CNOT1: variants seen among roughly 807,000 people sequenced by gnomAD.
The protein encoded by CNOT1 is CCR4-NOT transcription complex subunit 1, also known as CCR4-associated factor 1.
CNOT1 carries 15 observed loss-of-function variants against 273.8 expected under a neutral mutation model. The ratio of observed to expected loss-of-function variants is 0.05; its 90% CI spans 0.04 to 0.08. CNOT1 has a LOEUF of 0.08. CNOT1 is among the 10% of genes least tolerant of loss of function. The pLI is 1.00. For missense variants in CNOT1, 1,644 were observed against 2,912.2 expected (o/e 0.56, Z 10.02); for synonymous variants, 1,022 against 1,005.5 (o/e 1.02, Z -0.31).
intron 1 of CNOT1, among the ~76,000 whole-genome samples, chr16:58,610,367 A>G (rs1251111089): frequency 2.0e-5 from 3 of 152,034 alleles, no homozygotes; most frequent in Non-Finnish European, 2.9e-5. Context: ...GATCACACCA[A>G]TGCACGCCAG....
At position 58,543,873 on chromosome 16, in the gene CNOT1, T is replaced by G. The variant is rs1296208246; in HGVS notation, c.4168A>C (p.Lys1390Gln). The change falls in exon 31 of 49, where the codon AAG becomes CAG. Residue 1390 changes from lysine (K) to glutamine (Q), a missense_variant. Physicochemically the swap from Lys to Gln is moderately conservative, Grantham distance 53 (BLOSUM62 1). Coordinates refer to ENST00000317147, the MANE Select transcript of CNOT1 (RefSeq NM_016284.5). ...IPLFQAHPQL[K>Q]QCVRQAIERA... is the part of the protein sequence containing the mutation. ...TCAATTGCCTGACGCACACACTGCT[T>G]CAACTGTGGATGGGCCTGAAACAAG... The G allele has an allele frequency of 2.5e-6, 4 of 1,612,954 alleles. No individual in the cohort carries two copies. Among genetic ancestry groups the G allele is most frequent in the Non-Finnish European group, 3.4e-6 (4 of 1,179,354 alleles).
intron 30 of CNOT1, 89 bp downstream of exon 30, chr16:58,545,272 G>C (rs1475405921): frequency 4.1e-5 from 64 of 1,554,684 alleles, no homozygotes; most frequent in Non-Finnish European, 5.5e-5. Flanking sequence ...AATCCAGAGG[G>C]AAGGGCAAAG....
intron 2 of CNOT1, among the ~76,000 whole-genome samples, chr16:58,594,241 T>C (rs1443903943): frequency 1.3e-5 from 2 of 150,908 alleles, no homozygotes; most frequent in African/African-American, 4.9e-5. Context: ...CGAAACTCCA[T>C]CTCAAAACAA....
Position 58,520,675 on chromosome 16 carries a change from CAAG to C in CNOT1, c.*280_*282del, listed in dbSNP as rs1331853429. On this transcript the variant is annotated 3_prime_UTR_variant, in exon 49 of 49. Transcript: ENST00000317147. Reference sequence around the variant, plus strand: ...GCCTTGGACACAGCTTGCACAAAGCCAAGAAGTTCCAGACAAAGGTTTTCTCTT... The same window carrying C: ...GCCTTGGACACAGCTTGCACAAAGCCAAGTTCCAGACAAAGGTTTTCTCTT... 1 of 433,568 alleles carries C rather than the reference CAAG, an allele frequency of 2.3e-6. No homozygotes were observed. Among genetic ancestry groups the C allele is most frequent in the Non-Finnish European group, 4.3e-6 (1 of 235,190 alleles). 26.9% of individuals were successfully genotyped at this position (433,568 alleles called of 1,614,324 possible).
chr16:58,603,432 T>C (rs1273785620), intron 1 of CNOT1, among the ~76,000 whole-genome samples: 3 of 150,390 alleles, frequency 2.0e-5, no homozygotes, highest in Admixed American at 1.3e-4. Flanking sequence ...TGTGTGTGTG[T>C]GTGTGTGTGT....
chr16:58,594,449 A>G (rs964024696), intron 2 of CNOT1, among the ~76,000 whole-genome samples: 4 of 152,124 alleles, frequency 2.6e-5, no homozygotes, highest in African/African-American at 9.7e-5. Context: ...CTGAAATTAG[A>G]TAGTGGTTAT....
At position 58,587,214 on chromosome 16, in the gene CNOT1, A is replaced by T. The variant is rs373753264; in HGVS notation, c.420T>A (p.Asp140Glu). The T allele has an allele frequency of 5.3e-5, 86 of 1,613,438 alleles. No individual in the cohort carries two copies. Among genetic ancestry groups the T allele is most frequent in the Non-Finnish European group, 6.9e-5 (82 of 1,179,894 alleles). Residue 140 changes from aspartate to glutamate, a missense_variant, in exon 6 of 49, where the codon GAT becomes GAA. Coordinates refer to ENST00000317147, the MANE Select transcript of CNOT1 (RefSeq NM_016284.5). ...GLALLNSSSS[D>E]LRGFAAQFIK... ...AAAGTAACTCACCGAAACCTCTAAG[A>T]TCTGAGCTGGAAGAATTCAACAGGG...
chr16:58,553,149 G>A (rs1193851338), intron 22 of CNOT1, among the ~76,000 whole-genome samples: 1 of 152,024 alleles, frequency 6.6e-6, no homozygotes, highest in Non-Finnish European at 1.5e-5. Context: ...GCAGGTGCCT[G>A]TAATCGCAGC....
intron 1 of CNOT1, among the ~76,000 whole-genome samples, chr16:58,616,415 TTTG>T (rs1413999352): frequency 6.6e-6 from 1 of 151,542 alleles, no homozygotes; most frequent in Non-Finnish European, 1.5e-5. Context: ...CTACAAGGAC[TTTG>T]TTTTTATTTT....
chr16:58,560,676 G>A (rs60364630), intron 16 of CNOT1, among the ~76,000 whole-genome samples: 59,138 of 151,944 alleles, frequency 0.39, 12,903 homozygotes, highest in African/African-American at 0.59. Context: ...CCAGGAGTTT[G>A]AGGCCAACCT....
intron 22 of CNOT1, among the ~76,000 whole-genome samples, 159 bp downstream of exon 22, chr16:58,553,623 C>CAA (rs1014698147): frequency 3.9e-5 from 6 of 152,074 alleles, no homozygotes; most frequent in African/African-American, 1.2e-4. Flanking sequence ...TGTAAGGCCA[C>CAA]AAAATGAGCA....
At chr16:58,541,386 G>A in intron 34 of CNOT1, 115 bp downstream of exon 34, 2 of 1,453,670 alleles carry the variant, frequency 1.4e-6, no homozygotes, top group Non-Finnish European at 1.8e-6. Flanking sequence ...AAAACTATAG[G>A]TGTTTTTTCC....
chr16:58,551,958 C>A, intron 22 of CNOT1, 139 bp from the exon 23 acceptor site: 1 of 1,071,190 alleles, frequency 9.3e-7, no homozygotes, highest in Non-Finnish European at 1.3e-6. Flanking sequence ...GCCCCATACC[C>A]TGGCACTAAT....
At chr16:58,549,569 G>GTTCC in intron 25 of CNOT1, 150 bp downstream of exon 25, 1 of 1,288,368 alleles carries the variant, frequency 7.8e-7, no homozygotes, top group Non-Finnish European at 1.0e-6. Flanking sequence ...ATAAAATTTA[G>GTTCC]TTCCATATAA....
chr16:58,565,324 A>G (rs1240303898), intron 16 of CNOT1, among the ~76,000 whole-genome samples: 1 of 152,032 alleles, frequency 6.6e-6, no homozygotes, highest in Non-Finnish European at 1.5e-5. Flanking sequence ...GACATTGCCC[A>G]GGCTGGTCTC....
At chr16:58,629,647 C>G (rs766364924) in intron 1 of CNOT1, 81 bp downstream of exon 1, 1 of 152,746 alleles carries the variant, frequency 6.5e-6, no homozygotes, top group Non-Finnish European at 1.5e-5. Context: ...AGGTCCACCC[C>G]TGTTCCTCCT....
intron 13 of CNOT1, among the ~76,000 whole-genome samples, chr16:58,578,380 G>C (rs2041536447): frequency 6.6e-6 from 1 of 150,882 alleles, no homozygotes; most frequent in Non-Finnish European, 1.5e-5. Flanking sequence ...CTTGAACCCA[G>C]GAGATGGAGG....
chr16:58,573,853 A>G (rs2041371536), intron 16 of CNOT1, among the ~76,000 whole-genome samples: 1 of 152,172 alleles, frequency 6.6e-6, no homozygotes, highest in Non-Finnish European at 1.5e-5. Context: ...TTAAAAAACA[A>G]CAAAGCTGGG....
chr16:58,534,113 T>C (rs763057604), intron 40 of CNOT1, 34 bp downstream of exon 40: 4 of 1,593,218 alleles, frequency 2.5e-6, no homozygotes, highest in Non-Finnish European at 3.4e-6. Flanking sequence ...CCCACTGATG[T>C]AGACCAAGAC....
Sources: allele counts gnomAD v4.1 joint callset (sites outside exome capture counted in the v4.1 genomes callset), GRCh38; gene constraint gnomAD v4.1.1; transcripts MANE v1.5; gene names NCBI Gene and HGNC (gene_info 2026-07-23, HGNC 2026-07-21).